The following RGS7 variants were observed in gnomAD, a reference collection of about 807,000 sequenced individuals.
The protein encoded by RGS7 is regulator of G-protein signaling 7.
RGS7 carries 27 observed loss-of-function variants against 81.1 expected under a neutral mutation model. That is an observed-to-expected ratio of 0.33 (90% confidence interval 0.25 to 0.46). RGS7 has a LOEUF of 0.46. RGS7 is among the 20% of genes least tolerant of loss of function. RGS7 has a pLI of 1.00. For missense variants in RGS7, 396 were observed against 607.4 expected (o/e 0.65, Z 3.66); for synonymous variants, 208 against 207.7 (o/e 1.00, Z -0.01).
At chr1:241,349,070 A>G (rs1022276366) in intron 2 of RGS7, among the ~76,000 whole-genome samples, 2 of 152,220 alleles carry the variant, frequency 1.3e-5, no homozygotes, top group Non-Finnish European at 2.9e-5. Flanking sequence ...ACTAGGTTCT[A>G]TGCAAGACAT....
intron 9 of RGS7, among the ~76,000 whole-genome samples, chr1:240,865,400 CT>C (rs1456253010): frequency 2.0e-5 from 3 of 152,224 alleles, no homozygotes; most frequent in African/African-American, 7.2e-5. Context: ...GATTAAGCCT[CT>C]GGACAGTTTG....
chr1:241,260,906 A>C (rs1427605412), intron 2 of RGS7, among the ~76,000 whole-genome samples: 3 of 108,792 alleles, frequency 2.8e-5, no homozygotes, highest in African/African-American at 1.1e-4. Context: ...GGAACATCAC[A>C]CTCTGGGGAC....
intron 3 of RGS7, among the ~76,000 whole-genome samples, chr1:241,024,758 C>T (rs1454509344): frequency 9.9e-5 from 15 of 152,080 alleles, no homozygotes; most frequent in Non-Finnish European, 1.9e-4. Context: ...CACTGCAGAT[C>T]ATTGATTTGA....
intron 2 of RGS7, among the ~76,000 whole-genome samples, chr1:241,114,910 C>A (rs1175140056): frequency 6.6e-6 from 1 of 152,168 alleles, no homozygotes; most frequent in Non-Finnish European, 1.5e-5. Flanking sequence ...TTTCCCTCTA[C>A]GCTGCTGATC....
intron 4 of RGS7, among the ~76,000 whole-genome samples, chr1:240,937,957 T>A (rs1481427713): frequency 6.6e-6 from 1 of 152,216 alleles, no homozygotes; most frequent in African/African-American, 2.4e-5. Flanking sequence ...TGCCAACAAT[T>A]TCTTCCAACA....
At chr1:240,781,164 G>T (rs1045025238) in intron 18 of RGS7, among the ~76,000 whole-genome samples, 2 of 152,036 alleles carry the variant, frequency 1.3e-5, no homozygotes, top group Non-Finnish European at 1.5e-5. Context: ...AGTTAAGCCC[G>T]ACAAACTCTT....
At chr1:240,823,850 T>C (rs1423516873) in intron 10 of RGS7, among the ~76,000 whole-genome samples, 3 of 139,792 alleles carry the variant, frequency 2.1e-5, no homozygotes, top group Non-Finnish European at 4.7e-5. Context: ...GTTCGGTTTC[T>C]CTGGAGAACT....
At chr1:241,040,877 G>A (rs147538329) in intron 3 of RGS7, among the ~76,000 whole-genome samples, 63 of 152,166 alleles carry the variant, frequency 4.1e-4, no homozygotes, top group African/African-American at 1.3e-3. Flanking sequence ...AATTTTCCCT[G>A]TTCTATCTAA....
At chr1:240,854,951 C>T (rs1660796428) in intron 9 of RGS7, among the ~76,000 whole-genome samples, 2 of 152,240 alleles carry the variant, frequency 1.3e-5, no homozygotes, top group Admixed American at 1.3e-4. Context: ...ATGGCAGAAG[C>T]ATGCCTACCT....
intron 2 of RGS7, among the ~76,000 whole-genome samples, chr1:241,239,299 A>G (rs1330619151): frequency 6.6e-6 from 1 of 152,016 alleles, no homozygotes; most frequent in Non-Finnish European, 1.5e-5. Flanking sequence ...CCACATTGCC[A>G]TGCATTGGTT....
chr1:241,027,289 A>C (rs1352334992), intron 3 of RGS7, among the ~76,000 whole-genome samples: 1 of 152,088 alleles, frequency 6.6e-6, no homozygotes, highest in Non-Finnish European at 1.5e-5. Context: ...ACTGGAGGAG[A>C]AACTTGGGAA....
chr1:241,030,115 T>A (rs760196750), intron 3 of RGS7, among the ~76,000 whole-genome samples: 1 of 152,140 alleles, frequency 6.6e-6, no homozygotes, highest in Non-Finnish European at 1.5e-5. Flanking sequence ...TTCTCACTGA[T>A]GCTTGGCAAT....
chr1:241,041,692 G>T (rs1043898415), intron 3 of RGS7, among the ~76,000 whole-genome samples: 1 of 152,060 alleles, frequency 6.6e-6, no homozygotes, highest in Non-Finnish European at 1.5e-5. Flanking sequence ...GACTTAGGTC[G>T]CATTTACACA....
intron 9 of RGS7, among the ~76,000 whole-genome samples, chr1:240,829,208 A>G (rs1693380125): frequency 6.6e-6 from 1 of 152,184 alleles, no homozygotes; most frequent in Admixed American, 6.6e-5. Context: ...CAAACATTAA[A>G]TAAATTATGA....
chr1:240,783,529 A>G (rs996498198), intron 18 of RGS7, among the ~76,000 whole-genome samples: 3 of 151,798 alleles, frequency 2.0e-5, no homozygotes, highest in Admixed American at 2.0e-4. Flanking sequence ...AGGCTGAGAC[A>G]GGAGAATTGT....
chr1:241,069,788 T>C (rs1198389422), intron 3 of RGS7, among the ~76,000 whole-genome samples: 6 of 152,144 alleles, frequency 3.9e-5, no homozygotes, highest in Admixed American at 3.9e-4. Context: ...TGGAACAGGA[T>C]AATAGAAAAT....
At chr1:241,202,047 C>G (rs982862950) in intron 2 of RGS7, among the ~76,000 whole-genome samples, 21 of 150,390 alleles carry the variant, frequency 1.4e-4, no homozygotes, top group East Asian at 2.0e-4. Flanking sequence ...CACACACACA[C>G]AGAGACACCC....
chr1:241,238,196 A>C (rs1290763093), intron 2 of RGS7, among the ~76,000 whole-genome samples: 2 of 152,200 alleles, frequency 1.3e-5, no homozygotes, highest in Non-Finnish European at 2.9e-5. Flanking sequence ...CCTAGGGCTG[A>C]CCGACCCAGA....
At chr1:240,874,658 T>C (rs1665058056) in intron 6 of RGS7, among the ~76,000 whole-genome samples, 1 of 152,214 alleles carries the variant, frequency 6.6e-6, no homozygotes, top group South Asian at 2.1e-4. Flanking sequence ...TGTTTTAATA[T>C]AGGTTATACG....
Sources: gnomAD v4.1 joint callset for allele counts (sites outside exome capture counted in the v4.1 genomes callset) on GRCh38, gnomAD v4.1.1 for gene constraint, MANE v1.5 for transcripts, NCBI Gene and HGNC (gene_info 2026-07-23, HGNC 2026-07-21) for gene names.